RAB31: variants seen among roughly 807,000 people sequenced by gnomAD.
RAB31 encodes the protein ras-related protein Rab-31.
In RAB31, 21 loss-of-function variants were observed where a neutral mutation model predicts 25.6. That is an observed-to-expected ratio of 0.82 (90% CI 0.58 to 1.18). The LOEUF (loss-of-function observed/expected upper bound fraction) is 1.18. Among genes scored for constraint, RAB31 ranks in the 50% most tolerant of loss-of-function variants. The probability of loss-of-function intolerance (pLI) is 0.00; values close to 1 mark genes in which losing one functional copy is unlikely to be tolerated. For synonymous variants in RAB31, 87 were observed against 84.0 expected, an observed-to-expected ratio of 1.04 and a Z score of -0.20; for missense variants, 196 against 250.1, an observed-to-expected ratio of 0.78 and a Z score of 1.46.
intron 1 of RAB31, among the ~76,000 whole-genome samples, chr18:9,772,324 C>T (rs967015580): frequency 6.6e-6 from 1 of 151,884 alleles, no homozygotes; most frequent in Admixed American, 6.6e-5. Flanking sequence ...AGAAACCAGG[C>T]GAGGTTTGTC....
In RAB31 at chr18:9,708,682, C is replaced by T. The variant is rs1048273741; in HGVS notation, c.39+238C>T. Reference sequence around the variant, plus strand: ...CCGCACCCCGCCTGTTCTCCGCCTCCCCGCCGTCCGTGCGCCCCTCTGGTC... The same window carrying T: ...CCGCACCCCGCCTGTTCTCCGCCTCTCCGCCGTCCGTGCGCCCCTCTGGTC... On this transcript the variant is annotated intron_variant, in intron 1 of 6. Transcript: ENST00000578921. The surrounding 1 kb of genome is among the most constrained non-coding windows in gnomAD (Gnocchi z 6.4). Among the ~76,000 whole-genome samples the T allele has an allele frequency of 6.6e-6, 1 of 152,076 alleles. No individual in the cohort carries two copies. The highest frequency in any genetic ancestry group is 2.4e-5 in the African/African-American group (1 of 41,426).
chr18:9,763,975 A>C (rs931518078), intron 1 of RAB31, among the ~76,000 whole-genome samples: 1 of 152,144 alleles, frequency 6.6e-6, no homozygotes, highest in Non-Finnish European at 1.5e-5. Flanking sequence ...ATCTGATATG[A>C]AATTAGAGTA....
chr18:9,813,766 C>T (rs1338309542), intron 3 of RAB31, among the ~76,000 whole-genome samples: 3 of 152,020 alleles, frequency 2.0e-5, no homozygotes, highest in Admixed American at 1.3e-4. Flanking sequence ...GCATGAGAAT[C>T]GCTTGAACCT....
chr18:9,821,983 C>T (rs1478283326), intron 5 of RAB31, among the ~76,000 whole-genome samples: 3 of 152,174 alleles, frequency 2.0e-5, no homozygotes, highest in African/African-American at 7.2e-5. Flanking sequence ...TATGGAAAAT[C>T]ACAGACACTG....
chr18:9,765,947 T>G (rs2068313761), intron 1 of RAB31, among the ~76,000 whole-genome samples: 1 of 136,426 alleles, frequency 7.3e-6, no homozygotes, highest in Non-Finnish European at 1.6e-5. Context: ...GGGGGCCGGG[T>G]GTAGGGGGTG....
intron 3 of RAB31, among the ~76,000 whole-genome samples, chr18:9,804,888 T>A (rs1267461841): frequency 3.9e-5 from 6 of 152,188 alleles, no homozygotes; most frequent in African/African-American, 1.2e-4. Context: ...TTTTTTTGTT[T>A]CCAGTTGTTG....
chr18:9,799,974 T>C (rs1029007152), intron 3 of RAB31, among the ~76,000 whole-genome samples: 1 of 152,118 alleles, frequency 6.6e-6, no homozygotes, highest in East Asian at 1.9e-4. Context: ...TGGAATGGGT[T>C]ATTGTGCTGG....
intron 5 of RAB31, among the ~76,000 whole-genome samples, chr18:9,831,096 G>A (rs2068676124): frequency 6.6e-6 from 1 of 152,180 alleles, no homozygotes; most frequent in African/African-American, 2.4e-5. Context: ...TTTATCGTGA[G>A]TCTTGATAAA....
intron 5 of RAB31, among the ~76,000 whole-genome samples, chr18:9,832,962 A>G (rs1219798389): frequency 6.7e-6 from 1 of 150,188 alleles, no homozygotes; most frequent in Non-Finnish European, 1.5e-5. Flanking sequence ...CCTACACTGC[A>G]CCGAGAACTC....
At chr18:9,742,831 C>T (rs2068186652) in intron 1 of RAB31, among the ~76,000 whole-genome samples, 2 of 152,306 alleles carry the variant, frequency 1.3e-5, no homozygotes, top group East Asian at 1.9e-4. Flanking sequence ...GGAAAGCTCA[C>T]GGCAGCAAGT....
intron 3 of RAB31, among the ~76,000 whole-genome samples, chr18:9,810,407 A>T (rs2068564598): frequency 6.6e-6 from 1 of 152,150 alleles, no homozygotes. Context: ...TCTATTTGTA[A>T]GGGGGAAAAG....
At chr18:9,851,660 A>C (rs1174105513) in intron 6 of RAB31, among the ~76,000 whole-genome samples, 1 of 152,212 alleles carries the variant, frequency 6.6e-6, no homozygotes, top group Non-Finnish European at 1.5e-5. Flanking sequence ...TGACAGCAGA[A>C]AACAGGAAAT....
At position 9,852,482 on chromosome 18, in the gene RAB31, A is replaced by T. The variant is rs184031451; in HGVS notation, c.491-6746A>T. Among the ~76,000 whole-genome samples the T allele has an allele frequency of 1.1e-3, 160 of 152,346 alleles. 2 individuals are homozygous for T. In the South Asian group the frequency reaches 0.013, roughly 12 times the overall value. On this transcript the variant is annotated intron_variant, in intron 6 of 6. Transcript: ENST00000578921. ...TATGTCTTTTAGGCCTCTCTTAAGC[A>T]ATAGCTTTCCATTCCATCTTTCTTT...
chr18:9,850,268 C>T (rs957791767), intron 6 of RAB31, among the ~76,000 whole-genome samples: 2 of 152,070 alleles, frequency 1.3e-5, no homozygotes, highest in Non-Finnish European at 2.9e-5. Flanking sequence ...GTGGTGAACC[C>T]AAGTTTTGGT....
chr18:9,827,099 C>T (rs1335422321), intron 5 of RAB31, among the ~76,000 whole-genome samples: 2 of 151,882 alleles, frequency 1.3e-5, no homozygotes, highest in African/African-American at 4.8e-5. Context: ...TACACAAATC[C>T]CCTTTGACTC....
intron 1 of RAB31, among the ~76,000 whole-genome samples, chr18:9,721,164 A>G (rs1333721105): frequency 1.3e-5 from 2 of 152,140 alleles, no homozygotes; most frequent in Admixed American, 1.3e-4. Flanking sequence ...TGTGTGTGGC[A>G]TATCTGTTTT....
chr18:9,832,089 G>A (rs184885475), intron 5 of RAB31, among the ~76,000 whole-genome samples: 8 of 152,324 alleles, frequency 5.3e-5, no homozygotes, highest in Admixed American at 3.3e-4. Flanking sequence ...CGATCTGGGC[G>A]TGCACTGCTG....
intron 1 of RAB31, among the ~76,000 whole-genome samples, chr18:9,764,758 A>C (rs1304952938): frequency 2.6e-5 from 4 of 151,906 alleles, no homozygotes; most frequent in African/African-American, 9.7e-5. Context: ...TGATTCTTTC[A>C]TGGAGGGAAC....
At chr18:9,793,829 C>T (rs1394125225) in intron 3 of RAB31, among the ~76,000 whole-genome samples, 1 of 152,156 alleles carries the variant, frequency 6.6e-6, no homozygotes, top group Non-Finnish European at 1.5e-5. Flanking sequence ...GTCACCTTCT[C>T]TACCTCCTTG....
Sources: gnomAD v4.1 joint callset for allele counts (sites outside exome capture counted in the v4.1 genomes callset) on GRCh38, gnomAD v4.1.1 for gene constraint, Gnocchi (gnomAD v3.1) non-coding constraint, MANE v1.5 for transcripts, NCBI Gene and HGNC (gene_info 2026-07-23, HGNC 2026-07-21) for gene names.